RAB11FIP3: variants seen among roughly 807,000 people sequenced by gnomAD.
RAB11FIP3 encodes rab11 family-interacting protein 3.
RAB11FIP3 carries 17 observed loss-of-function variants against 77.8 expected under a neutral mutation model. The ratio of observed to expected loss-of-function variants is 0.22; its 90% CI spans 0.15 to 0.33. The LOEUF (loss-of-function observed/expected upper bound fraction) is 0.33, where lower values mean the gene tolerates loss of function less well. Among genes scored for constraint, RAB11FIP3 ranks in the 10% least tolerant of loss-of-function variants. The pLI is 1.00. For missense variants in RAB11FIP3, 1,005 were observed against 1,011.2 expected (o/e 0.99, Z 0.08); for synonymous variants, 437 against 448.2 (o/e 0.98, Z 0.31).
In RAB11FIP3 at chr16:520,928, C is replaced by T. The variant is rs968441129; in HGVS notation, c.*89C>T. On this transcript the variant is annotated 3_prime_UTR_variant, in exon 14 of 14. Coordinates refer to ENST00000262305, the MANE Select transcript of RAB11FIP3 (RefSeq NM_014700.4). Reference sequence around the variant, plus strand: ...CCATGAGGAGCCAAGACCAGCAGGTCCCACAGCCGACAGTGCCCAGAGCAT... The same window carrying T: ...CCATGAGGAGCCAAGACCAGCAGGTTCCACAGCCGACAGTGCCCAGAGCAT... 84 of 1,085,980 alleles carry T rather than the reference C, an allele frequency of 7.7e-5. No individual in the cohort carries two copies. The African/African-American group carries it at 1.2e-3, about 16-fold the overall frequency. The allele number at this position is 1,085,980 out of a possible 1,614,324, so 67.3% of individuals were successfully genotyped here.
intron 6 of RAB11FIP3, chr16:497,259 C>G: frequency 7.7e-7 from 1 of 1,305,418 alleles, no homozygotes; most frequent in Non-Finnish European, 1.0e-6. Context: ...GGGTCTGACT[C>G]CAATTCCTAA....
chr16:480,437 G>T (rs1195911430), intron 3 of RAB11FIP3, among the ~76,000 whole-genome samples: 2 of 152,102 alleles, frequency 1.3e-5, no homozygotes, highest in East Asian at 3.9e-4. Context: ...CCATTCTCCT[G>T]CTTCAGCCTC....
chr16:520,923 C>A lies in RAB11FIP3; in HGVS notation c.*84C>A. 8.9e-7 allele frequency: 1 copy of A among 1,120,490 alleles called. No homozygotes were observed. The highest frequency in any genetic ancestry group is 1.4e-6 in the Non-Finnish European group (1 of 739,230). The allele number at this position is 1,120,490 out of a possible 1,614,324, so 69.4% of individuals were successfully genotyped here. On this transcript the variant is annotated 3_prime_UTR_variant, in exon 14 of 14. Transcript: ENST00000262305. ...TCAGACCATGAGGAGCCAAGACCAG[C>A]AGGTCCCACAGCCGACAGTGCCCAG...
At chr16:462,738 C>T in intron 2 of RAB11FIP3, among the ~76,000 whole-genome samples, 1 of 137,570 alleles carries the variant, frequency 7.3e-6, no homozygotes, top group East Asian at 2.4e-4. Context: ...CCAGCACCAT[C>T]CCTTCCCCAG....
chr16:474,443 A>T (rs893903542), intron 3 of RAB11FIP3, among the ~76,000 whole-genome samples: 2 of 152,096 alleles, frequency 1.3e-5, no homozygotes, highest in Non-Finnish European at 2.9e-5. Context: ...GTGTCTGAGT[A>T]AGTGGGGAGA....
intron 5 of RAB11FIP3, among the ~76,000 whole-genome samples, chr16:492,460 G>GGGAGACCCGAGGCCGCCCAGAGCCTTCCC (rs1567392373): frequency 7.1e-5 from 2 of 28,306 alleles, no homozygotes; most frequent in African/African-American, 3.6e-4. Context: ...GGCCCTTCCC[G>GGGAGACCCGAGGCCGCCCAGAGCCTTCCC]GGGAGACCCG....
At chr16:446,221 C>T (rs748696605) in intron 1 of RAB11FIP3, among the ~76,000 whole-genome samples, 11 of 152,074 alleles carry the variant, frequency 7.2e-5, no homozygotes, top group Non-Finnish European at 1.6e-4. Context: ...AACCACTGCA[C>T]TCCAGCCTGG....
chr16:471,473 C>T lies in RAB11FIP3; in HGVS notation c.903+84C>T, dbSNP rs116365499. ...CCCTACAGCTCGTGCCTCCTGCCTCCGGGCTGTCTTCCGTAGAAGCTGGCG... is the reference window on the plus strand; with the variant it reads ...CCCTACAGCTCGTGCCTCCTGCCTCTGGGCTGTCTTCCGTAGAAGCTGGCG... On this transcript the variant is annotated intron_variant, in intron 3 of 13. Coordinates refer to ENST00000262305, the MANE Select transcript of RAB11FIP3 (RefSeq NM_014700.4). This position sits in a 1 kb window ranked among gnomAD's most constrained non-coding sequence, Gnocchi z 4.4. The T allele has an allele frequency of 6.0e-3, 7,120 of 1,191,882 alleles. 306 individuals carry two copies. In the African/African-American group the frequency reaches 0.092, roughly 15 times the overall value. 73.8% of individuals were successfully genotyped at this position (1,191,882 alleles called of 1,614,324 possible). A position where few individuals can be genotyped will look rare whatever the true frequency, so the allele number is the denominator to read the frequency against.
At chr16:434,096 A>G (rs2055086752) in intron 1 of RAB11FIP3, among the ~76,000 whole-genome samples, 1 of 152,166 alleles carries the variant, frequency 6.6e-6, no homozygotes, top group South Asian at 2.1e-4. Flanking sequence ...AAGGTCTCTG[A>G]TATCAGATGT....
rs1293491506 is a variant in RAB11FIP3, at chr16:520,553, T to A, written c.2111T>A (p.Phe704Tyr). 1 of 1,613,492 alleles carries A rather than the reference T, an allele frequency of 6.2e-7. No homozygotes were observed. The highest frequency in any genetic ancestry group is 8.5e-7 in the Non-Finnish European group (1 of 1,180,008). Residue 704 changes from phenylalanine to tyrosine, a missense_variant, in exon 13 of 14, where the codon TTC becomes TAC. Coordinates refer to ENST00000262305, the MANE Select transcript of RAB11FIP3 (RefSeq NM_014700.4). ...GCCAAGAGCCTCTTCTCCACAGCCTTCTCTGAGTCCCTGGCTGCAGAGATC... is the reference window on the plus strand; with the variant it reads ...GCCAAGAGCCTCTTCTCCACAGCCTACTCTGAGTCCCTGGCTGCAGAGATC... ...QGAKSLFSTA[F>Y]SESLAAEISS...
At chr16:487,633 T>A (rs1192097691) in intron 4 of RAB11FIP3, among the ~76,000 whole-genome samples, 1 of 152,084 alleles carries the variant, frequency 6.6e-6, no homozygotes, top group African/African-American at 2.4e-5. Context: ...CTTTCTTTCC[T>A]GGAGTGGAGC....
rs138150994 is a variant in RAB11FIP3, at chr16:436,022, G to A, written c.714+9302G>A. Among the ~76,000 whole-genome samples, 937 of 152,162 alleles carry A rather than the reference G, an allele frequency of 6.2e-3. 8 individuals carry two copies. Among genetic ancestry groups the A allele is most frequent in the African/African-American group, 0.022 (896 of 41,548 alleles). On this transcript the variant is annotated intron_variant, in intron 1 of 13. Coordinates refer to ENST00000262305, the MANE Select transcript of RAB11FIP3 (RefSeq NM_014700.4). Reference sequence around the variant, plus strand: ...CTTGGAGAAGGAAAAAAAGAGATGGGATCATTGGCCAGGCACGGTGACTCA... The same window carrying A: ...CTTGGAGAAGGAAAAAAAGAGATGGAATCATTGGCCAGGCACGGTGACTCA...
rs1430954112 is a variant in RAB11FIP3, at chr16:514,274, C to T, written c.1640+3474C>T. ...TCAGCAACCTGCGGTCAGCCCAGCACGAGGCCTCTGGCATCTTGGGGACTT... is the reference window on the plus strand; with the variant it reads ...TCAGCAACCTGCGGTCAGCCCAGCATGAGGCCTCTGGCATCTTGGGGACTT... On this transcript the variant is annotated intron_variant, in intron 9 of 13. Coordinates refer to ENST00000262305, the MANE Select transcript of RAB11FIP3 (RefSeq NM_014700.4). This position sits in a 1 kb window ranked among gnomAD's most constrained non-coding sequence, Gnocchi z 4.6. Among the ~76,000 whole-genome samples, 2 of 152,254 alleles carry T rather than the reference C, an allele frequency of 1.3e-5. No individual in the cohort carries two copies. Among genetic ancestry groups the T allele is most frequent in the Non-Finnish European group, 2.9e-5 (2 of 68,038 alleles).
rs1337393446 is a variant in RAB11FIP3 at position 519,904 on chromosome 16, C to A, written c.1860+13C>A. On this transcript the variant is annotated intron_variant, in intron 11 of 13. Transcript: ENST00000262305. ...GGCCACCCAGGAGGTGAGCACCCAC[C>A]CTGCCCCACGCCCAGTCCTGCGCCC... 4 of 1,570,776 alleles carry A rather than the reference C, an allele frequency of 2.5e-6. No homozygotes were observed. Among genetic ancestry groups the A allele is most frequent in the Middle Eastern group, 2.0e-4 (1 of 5,020 alleles).
At position 522,522 on chromosome 16, in the gene RAB11FIP3, G is replaced by C. The variant is rs1465429135; in HGVS notation, c.*1683G>C. 4 of 152,416 alleles carry C rather than the reference G, an allele frequency of 2.6e-5. No individual in the cohort carries two copies. The highest frequency in any genetic ancestry group is 9.6e-5 in the African/African-American group (4 of 41,572). 9.4% of individuals were successfully genotyped at this position (152,416 alleles called of 1,614,324 possible). On this transcript the variant is annotated 3_prime_UTR_variant, in exon 14 of 14. Transcript: ENST00000262305. ...CTTCCTCCAGGGGGGCCACAGGGTGGGGTGGGAGTCTTCTGGGCCTGGCCC... is the reference window on the plus strand; with the variant it reads ...CTTCCTCCAGGGGGGCCACAGGGTGCGGTGGGAGTCTTCTGGGCCTGGCCC...
chr16:466,743 C>G (rs1219973698), intron 2 of RAB11FIP3, among the ~76,000 whole-genome samples: 1 of 152,196 alleles, frequency 6.6e-6, no homozygotes, highest in African/African-American at 2.4e-5. Context: ...GGCCTTCTCC[C>G]AGACACCGTC....
At position 519,009 on chromosome 16, in the gene RAB11FIP3, T is replaced by C. The variant is rs199606652; in HGVS notation, c.1707T>C (p.Ile569=). The change falls in exon 10 of 14, where the codon ATT becomes ATC. Residue 569 remains isoleucine (I), a synonymous_variant. Coordinates refer to ENST00000262305, the MANE Select transcript of RAB11FIP3 (RefSeq NM_014700.4). The part of the protein sequence containing the change: ...RSCTPCLKAN[I]ERLEEEKQKL... ...GCACGCCCTGTCTGAAGGCCAACAT[T>C]GAGCGTCTGGAGGAGGTGAGCTGCC... 5 of 1,613,420 alleles carry C rather than the reference T, an allele frequency of 3.1e-6. No homozygotes were observed. The highest frequency in any genetic ancestry group is 4.2e-6 in the Non-Finnish European group (5 of 1,180,002).
intron 1 of RAB11FIP3, among the ~76,000 whole-genome samples, chr16:448,950 T>G (rs2055363494): frequency 6.6e-6 from 1 of 151,828 alleles, no homozygotes; most frequent in African/African-American, 2.4e-5. Flanking sequence ...AGTAAATAAA[T>G]AAGTAAATAA....
intron 2 of RAB11FIP3, among the ~76,000 whole-genome samples, chr16:462,421 G>A (rs1475757611): frequency 6.6e-6 from 1 of 152,134 alleles, no homozygotes; most frequent in Non-Finnish European, 1.5e-5. Flanking sequence ...TTTTAGTAGA[G>A]ACGGGGTTTC....
Sources: allele counts gnomAD v4.1 joint callset (sites outside exome capture counted in the v4.1 genomes callset), GRCh38; gene constraint gnomAD v4.1.1; non-coding constraint Gnocchi (gnomAD v3.1); transcripts MANE v1.5; gene names NCBI Gene and HGNC (gene_info 2026-07-23, HGNC 2026-07-21).